CCDC39: variants seen among roughly 807,000 people sequenced by gnomAD.
CCDC39 encodes coiled-coil domain 39 molecular ruler complex subunit.
In CCDC39, 113 loss-of-function variants were observed where a neutral mutation model predicts 121.0. The ratio of observed to expected loss-of-function variants is 0.93; its 90% CI spans 0.80 to 1.09. The LOEUF (loss-of-function observed/expected upper bound fraction) is 1.09, where lower values mean the gene tolerates loss of function less well. Ranked by LOEUF, CCDC39 falls within the 50% of genes least tolerant of loss-of-function variation. The probability of loss-of-function intolerance (pLI) is 0.00; values close to 1 mark genes in which losing one functional copy is unlikely to be tolerated. For missense variants in CCDC39, 1,063 were observed against 1,074.7 expected (o/e 0.99, Z 0.15); for synonymous variants, 349 against 352.2 (o/e 0.99, Z 0.10).
rs6807767 is a variant in CCDC39, at chr3:180,615,203, G to A, written c.2670-126C>T. Reference sequence around the variant, plus strand: ...CATCAAAAAAGTACATATTAATAGTGTTAAGTTTTTAAATGACCATCAATA... The same window carrying A: ...CATCAAAAAAGTACATATTAATAGTATTAAGTTTTTAAATGACCATCAATA... On this transcript the variant is annotated intron_variant, in intron 19 of 19. Coordinates refer to ENST00000476379, the MANE Select transcript of CCDC39 (RefSeq NM_181426.2). 0.049 allele frequency: 31,206 copies of A among 630,926 alleles called. 1,349 individuals carry two copies. The highest frequency in any genetic ancestry group is 0.17 in the African/African-American group (8,830 of 51,602). The allele number at this position is 630,926 out of a possible 1,614,324, so 39.1% of individuals were successfully genotyped here.
chr3:180,678,289 T>A (rs1712290601), intron 1 of CCDC39, among the ~76,000 whole-genome samples: 1 of 152,166 alleles, frequency 6.6e-6, no homozygotes, highest in Admixed American at 6.6e-5. Context: ...AAATTACACA[T>A]GAGTAAATAG....
intron 2 of CCDC39, among the ~76,000 whole-genome samples, chr3:180,663,227 G>A (rs533829280): frequency 1.3e-5 from 2 of 152,240 alleles, no homozygotes; most frequent in Admixed American, 1.3e-4. Context: ...TGGCCCCAGT[G>A]AGTTGTGCTG....
At chr3:180,619,221 A>G in intron 16 of CCDC39, 38 bp downstream of exon 16, 1 of 930,726 alleles carries the variant, frequency 1.1e-6, no homozygotes, top group Non-Finnish European at 1.7e-6. Context: ...GTTGACTTTT[A>G]TTGAAGGCAT....
chr3:180,632,749 A>G (rs1466822554), intron 13 of CCDC39, among the ~76,000 whole-genome samples: 4 of 152,228 alleles, frequency 2.6e-5, no homozygotes, highest in Admixed American at 2.6e-4. Flanking sequence ...CACACACGGA[A>G]GACCACTGCA....
intron 7 of CCDC39, 119 bp downstream of exon 7, chr3:180,654,643 A>T: frequency 2.2e-5 from 13 of 588,210 alleles, no homozygotes; most frequent in East Asian, 7.0e-5. Flanking sequence ...AAAAAGAAAA[A>T]GGAAAAAAAA....
intron 1 of CCDC39, among the ~76,000 whole-genome samples, chr3:180,670,521 G>A (rs1215379025): frequency 2.0e-5 from 3 of 151,916 alleles, no homozygotes; most frequent in Non-Finnish European, 4.4e-5. Flanking sequence ...TTGATATTCA[G>A]AGGTCCACAC....
intron 6 of CCDC39, among the ~76,000 whole-genome samples, chr3:180,658,932 A>G (rs952795006): frequency 6.6e-6 from 1 of 152,168 alleles, no homozygotes; most frequent in African/African-American, 2.4e-5. Context: ...ATTACCTCTG[A>G]AAATAACAAG....
At chr3:180,639,857 T>C (rs936074771) in intron 13 of CCDC39, among the ~76,000 whole-genome samples, 1 of 152,046 alleles carries the variant, frequency 6.6e-6, no homozygotes, top group Non-Finnish European at 1.5e-5. Context: ...GTTATCTAGC[T>C]CTTAGAGAAA....
At chr3:180,632,568 T>G (rs896330079) in intron 13 of CCDC39, among the ~76,000 whole-genome samples, 4 of 152,164 alleles carry the variant, frequency 2.6e-5, no homozygotes, top group African/African-American at 7.2e-5. Flanking sequence ...TCATAAAAAC[T>G]TGCTGGACTT....
At chr3:180,667,318 T>A (rs914625972) in intron 1 of CCDC39, among the ~76,000 whole-genome samples, 3 of 152,106 alleles carry the variant, frequency 2.0e-5, no homozygotes, top group African/African-American at 7.2e-5. Flanking sequence ...ACAGACACAC[T>A]CCATTTCATT....
chr3:180,670,283 A>G (rs1230683793), intron 1 of CCDC39, among the ~76,000 whole-genome samples: 2 of 151,834 alleles, frequency 1.3e-5, no homozygotes, highest in Non-Finnish European at 2.9e-5. Context: ...TCATGTAATT[A>G]AGTTGGGTAC....
Position 180,642,639 on chromosome 3 carries a change from GA to G in CCDC39, c.1666-439del, listed in dbSNP as rs537635984. ...ATCAATTTTCAGAATAGAAACCCCA[GA>G]AAAAAACACTCCAGGATATAAGATT... On this transcript the variant is annotated intron_variant, in intron 12 of 19. Coordinates refer to ENST00000476379, the MANE Select transcript of CCDC39 (RefSeq NM_181426.2). Among the ~76,000 whole-genome samples, 792 of 151,832 alleles carry G rather than the reference GA, an allele frequency of 5.2e-3. 6 individuals are homozygous for G. Among genetic ancestry groups the G allele is most frequent in the African/African-American group, 0.018 (741 of 41,440 alleles).
At chr3:180,635,297 C>G (rs1717798629) in intron 13 of CCDC39, among the ~76,000 whole-genome samples, 1 of 152,120 alleles carries the variant, frequency 6.6e-6, no homozygotes, top group Non-Finnish European at 1.5e-5. Flanking sequence ...AGAGCCAAAC[C>G]ATATTCTGCC....
chr3:180,638,158 T>A (rs2108416792), intron 13 of CCDC39, among the ~76,000 whole-genome samples: 1 of 152,164 alleles, frequency 6.6e-6, no homozygotes, highest in Non-Finnish European at 1.5e-5. Flanking sequence ...CCCAGACACA[T>A]ACAAGAAAAT....
intron 12 of CCDC39, among the ~76,000 whole-genome samples, chr3:180,643,135 A>AT (rs1717997384): frequency 6.6e-6 from 1 of 151,702 alleles, no homozygotes; most frequent in African/African-American, 2.4e-5. Flanking sequence ...AATTTTTTGT[A>AT]TTTTTAGTAG....
Position 180,616,572 on chromosome 3 carries a change from C to A in CCDC39, c.2530G>T (p.Asp844Tyr). The change falls in exon 18 of 20, where the codon GAT (aspartate) becomes TAT (tyrosine). Residue 844 changes from aspartate (D) to tyrosine (Y), a missense_variant. By Grantham distance (160) the Asp-to-Tyr change is radical (BLOSUM62 -3). Coordinates refer to ENST00000476379, the MANE Select transcript of CCDC39 (RefSeq NM_181426.2). ...ATCTCAGTATTTTCTTCTATGATAT[C>A]AACTAACATTTCATCAATAACTTTG... Reference protein sequence around the residue: ...FHKVIDEMLVDIIEENTEIRI... With the variant: ...FHKVIDEMLVYIIEENTEIRI... The A allele has an allele frequency of 6.2e-7, 1 of 1,601,658 alleles. No individual in the cohort carries two copies. The highest frequency in any genetic ancestry group is 8.5e-7 in the Non-Finnish European group (1 of 1,174,362).
At position 180,654,245 on chromosome 3, in the gene CCDC39, GAGAA is replaced by G. The variant is rs1481405258; in HGVS notation, c.930+513_930+516del. Among the ~76,000 whole-genome samples the G allele has an allele frequency of 2.8e-5, 3 of 107,540 alleles. No individual in the cohort carries two copies. In the Admixed American group the frequency reaches 2.8e-4, roughly 10 times the overall value. 70.6% of individuals were successfully genotyped at this position (107,540 alleles called of 152,430 possible). On this transcript the variant is annotated intron_variant, in intron 7 of 19. Transcript: ENST00000476379. The stretch of plus-strand genomic sequence containing the variant: ...GCAAAAAAAAAAAAAAAAAAAAAGA[GAGAA>G]AGAAATTGGGCTTTTCTCTGGTACC...
intron 14 of CCDC39, among the ~76,000 whole-genome samples, chr3:180,625,606 G>A (rs1717541249): frequency 6.6e-6 from 1 of 152,066 alleles, no homozygotes; most frequent in South Asian, 2.1e-4. Flanking sequence ...CATATCTCAT[G>A]TAACAGTTGC....
In CCDC39 at chr3:180,645,174, T is replaced by C. The variant is rs1237686379; in HGVS notation, c.1528-917A>G. ...GTTATTGTGAAGATTAAAGATGTTATTGTCAAAGCATGTGTATAACAGTGC... is the reference window on the plus strand; with the variant it reads ...GTTATTGTGAAGATTAAAGATGTTACTGTCAAAGCATGTGTATAACAGTGC... On this transcript the variant is annotated intron_variant, in intron 11 of 19. Transcript: ENST00000476379. Among the ~76,000 whole-genome samples the C allele has an allele frequency of 4.6e-5, 7 of 152,172 alleles. No homozygotes were observed. The East Asian group carries it at 9.6e-4, about 21-fold the overall frequency.
Sources: allele counts gnomAD v4.1 joint callset (sites outside exome capture counted in the v4.1 genomes callset), GRCh38; gene constraint gnomAD v4.1.1; transcripts MANE v1.5; gene names NCBI Gene and HGNC (gene_info 2026-07-23, HGNC 2026-07-21).